The following PEAK1 variants were observed in gnomAD, a reference collection of about 807,000 sequenced individuals.
The protein encoded by PEAK1 is inactive tyrosine-protein kinase PEAK1.
PEAK1 carries 54 observed loss-of-function variants against 124.7 expected under a neutral mutation model. The observed-to-expected ratio is 0.43, with a 90% CI of 0.35 to 0.54. The LOEUF is 0.54. Among genes scored for constraint, PEAK1 ranks in the 20% least tolerant of loss-of-function variants. PEAK1 has a pLI of 0.01. For synonymous variants in PEAK1, 719 were observed against 760.0 expected (o/e 0.95, Z 0.89); for missense variants, 2,046 against 2,134.5 (o/e 0.96, Z 0.82).
chr15:77,324,887 A>G (rs796383092), intron 2 of PEAK1, among the ~76,000 whole-genome samples: 39 of 152,310 alleles, frequency 2.6e-4, no homozygotes, highest in African/African-American at 8.7e-4. Flanking sequence ...TTACAATTCA[A>G]TGTGAGATTT....
chr15:77,419,300 C>G, intron 1 of PEAK1: 1 of 985,194 alleles, frequency 1.0e-6, no homozygotes, highest in Non-Finnish European at 1.2e-6. Context: ...GTGCATGCGA[C>G]GAGAGGGGAG....
At chr15:77,144,653 T>C (rs11632999) in intron 8 of PEAK1, among the ~76,000 whole-genome samples, 2 of 152,202 alleles carry the variant, frequency 1.3e-5, no homozygotes, top group African/African-American at 4.8e-5. Flanking sequence ...AATAGCAGGA[T>C]ACGATCTCCT....
At chr15:77,392,381 T>C (rs1194964218) in intron 1 of PEAK1, among the ~76,000 whole-genome samples, 3 of 152,140 alleles carry the variant, frequency 2.0e-5, no homozygotes, top group Non-Finnish European at 4.4e-5. Context: ...AAGTAAAATA[T>C]AGCAAGAGAA....
chr15:77,248,799 A>ATATTTTATTTTATTT (rs138299271), intron 6 of PEAK1, among the ~76,000 whole-genome samples: 14 of 151,602 alleles, frequency 9.2e-5, no homozygotes, highest in African/African-American at 3.4e-4. Context: ...TATTACTACT[A>ATATTTTATTTTATTT]TATTTTATTT....
At chr15:77,283,069 G>A (rs540528671) in intron 5 of PEAK1, among the ~76,000 whole-genome samples, 1 of 152,290 alleles carries the variant, frequency 6.6e-6, no homozygotes, top group East Asian at 1.9e-4. Context: ...AAGAGGTGGA[G>A]CTCTGTAGGG....
intron 2 of PEAK1, chr15:77,352,124 G>A: frequency 1.1e-6 from 1 of 879,116 alleles, no homozygotes; most frequent in Non-Finnish European, 1.4e-6. Context: ...GGAGATTGAG[G>A]TGTAAGGATT....
chr15:77,189,626 G>C (rs994015149), intron 6 of PEAK1, among the ~76,000 whole-genome samples: 2 of 152,188 alleles, frequency 1.3e-5, no homozygotes, highest in African/African-American at 4.8e-5. Context: ...CTGTCTCAAA[G>C]TTGTGTTTTT....
intron 8 of PEAK1, among the ~76,000 whole-genome samples, chr15:77,138,224 G>A (rs117838606): frequency 6.6e-6 from 1 of 152,038 alleles, no homozygotes; most frequent in African/African-American, 2.4e-5. Flanking sequence ...TGTAGAAAAG[G>A]TACAGTAAAA....
chr15:77,168,237 G>GCACACCCACACA (rs2056260148), intron 7 of PEAK1, among the ~76,000 whole-genome samples: 1 of 147,178 alleles, frequency 6.8e-6, no homozygotes, highest in Non-Finnish European at 1.5e-5. Flanking sequence ...ATGTGCGCGC[G>GCACACCCACACA]CACACACACA....
Position 77,200,069 on chromosome 15 carries a change from T to C in PEAK1, c.-114-18029A>G, listed in dbSNP as rs974099601. Among the ~76,000 whole-genome samples, 7 of 152,346 alleles carry C rather than the reference T, an allele frequency of 4.6e-5. 1 individual carries two copies. Among genetic ancestry groups the C allele is most frequent in the Non-Finnish European group, 1.0e-4 (7 of 68,036 alleles). On this transcript the variant is annotated intron_variant, in intron 6 of 9. Coordinates refer to ENST00000682557, the MANE Select transcript of PEAK1 (RefSeq NM_001385026.1). ...ATCAAGTGGGCCTATCTTTCCTGCCTATTTCCACCTGTTCAGTCTCTTCTG... is the reference window on the plus strand; with the variant it reads ...ATCAAGTGGGCCTATCTTTCCTGCCCATTTCCACCTGTTCAGTCTCTTCTG...
At chr15:77,371,202 T>G (rs2068616694) in intron 1 of PEAK1, 5 of 984,214 alleles carry the variant, frequency 5.1e-6, no homozygotes, top group Non-Finnish European at 6.0e-6. Flanking sequence ...AGTAATTTTA[T>G]TCTATGGATA....
At chr15:77,196,123 G>T (rs536096239) in intron 6 of PEAK1, among the ~76,000 whole-genome samples, 1 of 152,326 alleles carries the variant, frequency 6.6e-6, no homozygotes, top group Admixed American at 6.5e-5. Context: ...TTTGTTAAAT[G>T]GACAATGGGT....
intron 6 of PEAK1, among the ~76,000 whole-genome samples, chr15:77,215,819 A>T (rs1308769580): frequency 6.6e-6 from 1 of 152,126 alleles, no homozygotes; most frequent in African/African-American, 2.4e-5. Context: ...TTTGCCTAAC[A>T]CGTGTAACAA....
At chr15:77,245,341 C>A (rs1300869619) in intron 6 of PEAK1, among the ~76,000 whole-genome samples, 2 of 150,790 alleles carry the variant, frequency 1.3e-5, no homozygotes, top group African/African-American at 4.9e-5. Context: ...GGCAACAGAG[C>A]AAGACTCTGT....
chr15:77,135,690 A>G (rs1003621985), intron 8 of PEAK1, among the ~76,000 whole-genome samples: 2 of 152,198 alleles, frequency 1.3e-5, no homozygotes, highest in African/African-American at 2.4e-5. Flanking sequence ...ATGATAGAGA[A>G]TAAGTCTCAT....
In PEAK1 at chr15:77,110,740, T is replaced by G. The variant is rs1039857886; in HGVS notation, c.*3416A>C. ...CATATTCCTGGCTTCCAGTTCTAGC[T>G]CAGCCTAGGGGTTGGTGATTCTTAC... On this transcript the variant is annotated 3_prime_UTR_variant, in exon 10 of 10. Coordinates refer to ENST00000682557, the MANE Select transcript of PEAK1 (RefSeq NM_001385026.1). 2 of 152,248 alleles carry G rather than the reference T, an allele frequency of 1.3e-5. No homozygotes were observed. Among genetic ancestry groups the G allele is most frequent in the Non-Finnish European group, 2.9e-5 (2 of 68,056 alleles). The allele number at this position is 152,248 out of a possible 1,614,324, so 9.4% of individuals were successfully genotyped here. A position where few individuals can be genotyped will look rare whatever the true frequency, so the allele number is the denominator to read the frequency against.
intron 5 of PEAK1, chr15:77,255,658 A>T (rs1215891828): frequency 6.6e-6 from 1 of 152,222 alleles, no homozygotes; most frequent in East Asian, 1.9e-4. Flanking sequence ...GTAAAGAACA[A>T]CATCAACTAT....
chr15:77,183,242 A>G (rs989700480), intron 6 of PEAK1, among the ~76,000 whole-genome samples: 7 of 152,240 alleles, frequency 4.6e-5, no homozygotes, highest in African/African-American at 1.7e-4. Flanking sequence ...TCATTTGTTT[A>G]CATACTCATT....
chr15:77,280,015 G>T (rs74025105), intron 5 of PEAK1, among the ~76,000 whole-genome samples: 1 of 151,934 alleles, frequency 6.6e-6, no homozygotes, highest in Admixed American at 6.6e-5. Context: ...GTATGGATCC[G>T]AACATGTGTT....
Sources: allele counts gnomAD v4.1 joint callset (sites outside exome capture counted in the v4.1 genomes callset), GRCh38; gene constraint gnomAD v4.1.1; transcripts MANE v1.5; gene names NCBI Gene and HGNC (gene_info 2026-07-23, HGNC 2026-07-21).